The following BICD1 variants were observed in gnomAD, a reference collection of about 807,000 sequenced individuals.
BICD1 encodes BICD cargo adaptor 1.
In BICD1, 35 loss-of-function variants were observed where a neutral mutation model predicts 92.5. That is an observed-to-expected ratio of 0.38 (90% CI 0.29 to 0.50). The LOEUF is 0.50. BICD1 is among the 20% of genes least tolerant of loss of function. BICD1 has a pLI of 0.93. For synonymous variants in BICD1, 429 were observed against 465.1 expected (o/e 0.92, Z 1.00); for missense variants, 950 against 1,189.8 (o/e 0.80, Z 2.97).
At chr12:32,159,321 G>T (rs773744920) in intron 1 of BICD1, among the ~76,000 whole-genome samples, 2 of 152,074 alleles carry the variant, frequency 1.3e-5, no homozygotes, top group Non-Finnish European at 2.9e-5. Context: ...AGAGAGTAGG[G>T]GACACAGAAT....
chr12:32,346,672 A>T, intron 8 of BICD1, among the ~76,000 whole-genome samples: 1 of 131,888 alleles, frequency 7.6e-6, no homozygotes, highest in Non-Finnish European at 1.6e-5. Context: ...ACACACACGC[A>T]CACACACACA....
intron 9 of BICD1, among the ~76,000 whole-genome samples, chr12:32,375,358 G>GTC (rs1175625687): frequency 6.6e-6 from 1 of 152,064 alleles, no homozygotes; most frequent in Non-Finnish European, 1.5e-5. Context: ...GTGAAAGTCC[G>GTC]TCTCTACTAA....
At chr12:32,371,635 T>G (rs1422621690) in intron 9 of BICD1, among the ~76,000 whole-genome samples, 1 of 152,218 alleles carries the variant, frequency 6.6e-6, no homozygotes, top group Admixed American at 6.5e-5. Context: ...TTGCCCAGGC[T>G]GGAGTGCAGT....
At chr12:32,357,417 A>G (rs2728686) in intron 8 of BICD1, among the ~76,000 whole-genome samples, 150,596 of 152,234 alleles carry the variant, frequency 0.99, 74,507 homozygotes, top group East Asian at 1. Flanking sequence ...GGATTGCTTA[A>G]TTTTGAATAA....
At chr12:32,258,681 G>T (rs1053962508) in intron 2 of BICD1, among the ~76,000 whole-genome samples, 15 of 152,138 alleles carry the variant, frequency 9.9e-5, no homozygotes, top group African/African-American at 2.9e-4. Context: ...CATAGGACAG[G>T]GGGCCCTTCC....
chr12:32,362,408 T>G (rs1378744840), intron 8 of BICD1, among the ~76,000 whole-genome samples: 1 of 152,194 alleles, frequency 6.6e-6, no homozygotes, highest in Non-Finnish European at 1.5e-5. Flanking sequence ...GCATTGAAAA[T>G]TTTATAAATA....
At chr12:32,272,707 T>A (rs1947173884) in intron 2 of BICD1, among the ~76,000 whole-genome samples, 1 of 152,202 alleles carries the variant, frequency 6.6e-6, no homozygotes, top group African/African-American at 2.4e-5. Context: ...GCACCTGTAA[T>A]CTCAGCTACT....
Position 32,313,261 on chromosome 12 carries a change from CT to C in BICD1, c.1005+7140del, listed in dbSNP as rs1481444543. ...TATTCATATTATGTTTTGATCCACT[CT>C]ATTAAAGGCAATTTTAGTTTTTTCT... On this transcript the variant is annotated intron_variant, in intron 4 of 9. Transcript: ENST00000652176. The surrounding 1 kb of genome is among the most constrained non-coding windows in gnomAD (Gnocchi z 4.2). Among the ~76,000 whole-genome samples the C allele has an allele frequency of 1.5e-4, 23 of 152,100 alleles. No homozygotes were observed. The highest frequency in any genetic ancestry group is 2.9e-5 in the Non-Finnish European group (2 of 68,016).
chr12:32,263,844 T>C (rs559396567), intron 2 of BICD1, among the ~76,000 whole-genome samples: 1 of 152,362 alleles, frequency 6.6e-6, no homozygotes, highest in Non-Finnish European at 1.5e-5. Context: ...GTTCTACACG[T>C]ATTTAAGTCT....
intron 3 of BICD1, among the ~76,000 whole-genome samples, chr12:32,299,519 A>G (rs1947973874): frequency 6.6e-6 from 1 of 152,190 alleles, no homozygotes; most frequent in Non-Finnish European, 1.5e-5. Context: ...GGTGAATAGT[A>G]GGAGCTTGTA....
intron 2 of BICD1, among the ~76,000 whole-genome samples, chr12:32,275,305 C>A (rs181856084): frequency 1.7e-3 from 259 of 152,236 alleles, no homozygotes; most frequent in African/African-American, 6.0e-3. Context: ...TATAAAGGAA[C>A]CCTGGCGGGA....
At chr12:32,194,961 T>C (rs1234045769) in intron 1 of BICD1, among the ~76,000 whole-genome samples, 1 of 151,298 alleles carries the variant, frequency 6.6e-6, no homozygotes, top group Non-Finnish European at 1.5e-5. Flanking sequence ...ATCTGTACAT[T>C]GAAAACTGTA....
At chr12:32,333,374 C>A in intron 5 of BICD1, 1 of 747,436 alleles carries the variant, frequency 1.3e-6, no homozygotes, top group Non-Finnish European at 1.6e-6. Flanking sequence ...TCAAAACTCA[C>A]AAGAAACTAC....
At chr12:32,110,340 T>G (rs1038812350) in intron 1 of BICD1, among the ~76,000 whole-genome samples, 2 of 152,216 alleles carry the variant, frequency 1.3e-5, no homozygotes, top group African/African-American at 2.4e-5. Context: ...CCTGATGTTG[T>G]TTAGTGCTCT....
At chr12:32,366,842 A>G (rs1261652919) in intron 8 of BICD1, among the ~76,000 whole-genome samples, 1 of 152,226 alleles carries the variant, frequency 6.6e-6, no homozygotes, top group African/African-American at 2.4e-5. Context: ...GCATGATTCT[A>G]ATATAGTCAC....
At position 32,324,361 on chromosome 12, in the gene BICD1, AAAC is replaced by A. The variant is rs1307039415; in HGVS notation, c.1006-3097_1006-3095del. On this transcript the variant is annotated intron_variant, in intron 4 of 9. Coordinates refer to ENST00000652176, the MANE Select transcript of BICD1 (RefSeq NM_001714.4). The stretch of plus-strand genomic sequence containing the variant: ...AGAGCTAGACTCCATCTCAAAAAAA[AAAC>A]AAAAAAAAAAACTTAGGACACTGAG... Among the ~76,000 whole-genome samples, 46 of 149,284 alleles carry A rather than the reference AAAC, an allele frequency of 3.1e-4. 2 individuals are homozygous for A. The highest frequency in any genetic ancestry group is 4.7e-4 in the African/African-American group (19 of 40,624).
chr12:32,302,931 CTTT>C (rs572736411), intron 3 of BICD1, among the ~76,000 whole-genome samples: 5 of 57,564 alleles, frequency 8.7e-5, no homozygotes, highest in Non-Finnish European at 1.1e-4. Flanking sequence ...TAATGTATTT[CTTT>C]TTTTTTTTTT....
intron 1 of BICD1, among the ~76,000 whole-genome samples, chr12:32,186,328 T>C (rs1459364295): frequency 2.6e-5 from 4 of 152,186 alleles, no homozygotes; most frequent in Non-Finnish European, 5.9e-5. Context: ...TATAAGTATA[T>C]GAGTGAAGAA....
At chr12:32,180,642 G>A (rs924760081) in intron 1 of BICD1, among the ~76,000 whole-genome samples, 8 of 151,862 alleles carry the variant, frequency 5.3e-5, no homozygotes, top group Non-Finnish European at 1.2e-4. Context: ...GTCTTGTCAG[G>A]TTGCATTTTT....
Sources: gnomAD v4.1 joint callset for allele counts (sites outside exome capture counted in the v4.1 genomes callset) on GRCh38, gnomAD v4.1.1 for gene constraint, Gnocchi (gnomAD v3.1) non-coding constraint, MANE v1.5 for transcripts, NCBI Gene and HGNC (gene_info 2026-07-23, HGNC 2026-07-21) for gene names.